PRELID2: variants seen among roughly 807,000 people sequenced by gnomAD.
The protein encoded by PRELID2 is PRELI domain containing 2, also known as PRELI domain-containing protein 2.
A neutral mutation model predicts 28.4 loss-of-function variants in PRELID2; 25 were observed. The ratio of observed to expected loss-of-function variants is 0.88; its 90% CI spans 0.64 to 1.23. The LOEUF (loss-of-function observed/expected upper bound fraction) is 1.23. PRELID2 is among the 50% of genes most tolerant of loss of function. The pLI is 0.00. For synonymous variants in PRELID2, 76 were observed against 71.6 expected, an observed-to-expected ratio of 1.06 and a Z score of -0.31; for missense variants, 201 against 214.4, an observed-to-expected ratio of 0.94 and a Z score of 0.39.
the PRELID2 span, among the ~76,000 whole-genome samples, chr5:145,391,436 C>A: frequency 2.0e-5 from 3 of 152,214 alleles, no homozygotes; most frequent in Non-Finnish European, 4.4e-5. Context: ...CTCAGGGCTG[C>A]ATAGAGCAGA....
the PRELID2 span, among the ~76,000 whole-genome samples, chr5:145,234,216 T>A: frequency 2.6e-5 from 4 of 152,296 alleles, no homozygotes; most frequent in East Asian, 7.7e-4. Context: ...ATCAGAAATA[T>A]ACTAATTCTT....
At chr5:145,422,562 C>CTT in the PRELID2 span, among the ~76,000 whole-genome samples, 2 of 150,944 alleles carry the variant, frequency 1.3e-5, no homozygotes, top group African/African-American at 4.9e-5. Flanking sequence ...CAACCCCTGC[C>CTT]TTTTTTTTTG....
intron 1 of PRELID2, among the ~76,000 whole-genome samples, chr5:145,508,345 G>A (rs1360005823): frequency 6.6e-6 from 1 of 151,964 alleles, no homozygotes; most frequent in African/African-American, 2.4e-5. Context: ...TCTCCACATT[G>A]TTGAAGTTGA....
chr5:145,377,633 T>G, the PRELID2 span, among the ~76,000 whole-genome samples: 1 of 152,208 alleles, frequency 6.6e-6, no homozygotes, highest in Non-Finnish European at 1.5e-5. Flanking sequence ...CTTCTTTGTC[T>G]TTTTTTAATT....
chr5:145,378,122 C>T, the PRELID2 span, among the ~76,000 whole-genome samples: 1 of 152,164 alleles, frequency 6.6e-6, no homozygotes, highest in Non-Finnish European at 1.5e-5. Flanking sequence ...CTCCCAATCT[C>T]TTCTGTCTTC....
intron 2 of PRELID2, among the ~76,000 whole-genome samples, chr5:145,472,394 C>A (rs1273404847): frequency 7.2e-5 from 11 of 152,080 alleles, no homozygotes; most frequent in Admixed American, 4.6e-4. Context: ...AGAGGAAACA[C>A]AGCCCCAGAT....
chr5:145,714,830 T>A (rs1309384535), intron 1 of PRELID2, among the ~76,000 whole-genome samples: 1 of 152,120 alleles, frequency 6.6e-6, no homozygotes, highest in African/African-American at 2.4e-5. Flanking sequence ...GCCATCCCTC[T>A]TTCCTGCTCT....
At chr5:145,745,480 A>G (rs1484061298) in intron 1 of PRELID2, among the ~76,000 whole-genome samples, 1 of 152,216 alleles carries the variant, frequency 6.6e-6, no homozygotes, top group African/African-American at 2.4e-5. Context: ...GTCACCTACA[A>G]AGGGAAGCCC....
At chr5:145,779,975 G>A (rs1758683263) in intron 5 of PRELID2, among the ~76,000 whole-genome samples, 1 of 152,188 alleles carries the variant, frequency 6.6e-6, no homozygotes, top group Non-Finnish European at 1.5e-5. Context: ...GAGCCCAGGA[G>A]TTCGAGACCA....
At chr5:145,254,778 A>G in the PRELID2 span, among the ~76,000 whole-genome samples, 1 of 152,072 alleles carries the variant, frequency 6.6e-6, no homozygotes, top group African/African-American at 2.4e-5. Context: ...AGAACTAATC[A>G]TCTATGACTG....
the PRELID2 span, among the ~76,000 whole-genome samples, chr5:145,428,678 T>TAAA: frequency 6.6e-6 from 1 of 152,074 alleles, no homozygotes; most frequent in African/African-American, 2.4e-5. Context: ...GAACTTAAAA[T>TAAA]ATAATAATAA....
At chr5:145,234,572 C>T in the PRELID2 span, among the ~76,000 whole-genome samples, 1 of 152,052 alleles carries the variant, frequency 6.6e-6, no homozygotes, top group African/African-American at 2.4e-5. Flanking sequence ...AAAAAGCGTT[C>T]CAACTCCCAT....
At position 145,759,096 on chromosome 5, in the gene PRELID2, G is replaced by A. The variant is rs1031602169; in HGVS notation, c.*1440C>T. 3 of 145,702 alleles carry A rather than the reference G, an allele frequency of 2.1e-5. No homozygotes were observed. Among genetic ancestry groups the A allele is most frequent in the African/African-American group, 7.6e-5 (3 of 39,332 alleles). 9.0% of individuals were successfully genotyped at this position (145,702 alleles called of 1,614,324 possible). A position where few individuals can be genotyped will look rare whatever the true frequency, so the allele number is the denominator to read the frequency against. On this transcript the variant is annotated 3_prime_UTR_variant, in exon 7 of 7. Coordinates refer to ENST00000683046, the MANE Select transcript of PRELID2 (RefSeq NM_205846.3). ...GCTTACTGCAACCTTCACCTCCTGA[G>A]TTCAAGCAATTCTCCTGCCTCAGAC...
At chr5:145,308,278 C>T in the PRELID2 span, among the ~76,000 whole-genome samples, 2 of 152,160 alleles carry the variant, frequency 1.3e-5, no homozygotes, top group African/African-American at 4.8e-5. Context: ...TTAATGCTAA[C>T]AAACGTATTT....
At chr5:145,698,003 T>C (rs1755319216) in intron 1 of PRELID2, among the ~76,000 whole-genome samples, 1 of 151,726 alleles carries the variant, frequency 6.6e-6, no homozygotes, top group Admixed American at 6.6e-5. Flanking sequence ...AATATATATA[T>C]ATATATACAT....
At chr5:145,740,415 G>T (rs1368749601) in intron 1 of PRELID2, among the ~76,000 whole-genome samples, 3 of 138,186 alleles carry the variant, frequency 2.2e-5, no homozygotes, top group South Asian at 2.2e-4. Context: ...ATCATTATAG[G>T]TGGTGACTAC....
At chr5:145,449,007 A>G in the PRELID2 span, among the ~76,000 whole-genome samples, 1 of 152,136 alleles carries the variant, frequency 6.6e-6, no homozygotes, top group Non-Finnish European at 1.5e-5. Context: ...GGACATATAG[A>G]TCAGATTGCC....
chr5:145,834,905 C>A (rs761990428), intron 1 of PRELID2: 13 of 389,518 alleles, frequency 3.3e-5, no homozygotes, highest in Non-Finnish European at 5.6e-5. Context: ...CCACGGAGCT[C>A]ACGAGCTGGG....
the PRELID2 span, among the ~76,000 whole-genome samples, chr5:145,299,665 G>A: frequency 1.3e-5 from 2 of 151,596 alleles, no homozygotes; most frequent in African/African-American, 4.9e-5. Context: ...GTGTGTGTGT[G>A]TGTGTGTGTG....
Sources: allele counts gnomAD v4.1 joint callset (sites outside exome capture counted in the v4.1 genomes callset), GRCh38; gene constraint gnomAD v4.1.1; transcripts MANE v1.5; gene names NCBI Gene and HGNC (gene_info 2026-07-23, HGNC 2026-07-21).